RAPGEF1: variants seen among roughly 807,000 people sequenced by gnomAD.
The protein encoded by RAPGEF1 is CRK SH3-binding GNRP.
RAPGEF1 carries 33 observed loss-of-function variants against 143.3 expected under a neutral mutation model. The ratio of observed to expected loss-of-function variants is 0.23; its 90% confidence interval spans 0.17 to 0.31. RAPGEF1 has a LOEUF of 0.31. Ranked by LOEUF, RAPGEF1 falls within the 10% of genes least tolerant of loss-of-function variation. The pLI is 1.00. For synonymous variants in RAPGEF1, 629 were observed against 676.5 expected, an observed-to-expected ratio of 0.93 and a Z score of 1.09; for missense variants, 1,199 against 1,645.4, an observed-to-expected ratio of 0.73 and a Z score of 4.69.
chr9:131,648,968 A>G (rs1408809127), intron 3 of RAPGEF1, among the ~76,000 whole-genome samples: 1 of 152,220 alleles, frequency 6.6e-6, no homozygotes, highest in Non-Finnish European at 1.5e-5. Context: ...ACTTTGGATA[A>G]TCACTAAAGG....
intron 12 of RAPGEF1, among the ~76,000 whole-genome samples, chr9:131,607,363 C>A (rs1014705867): frequency 9.2e-5 from 14 of 152,214 alleles, no homozygotes; most frequent in Non-Finnish European, 2.1e-4. Context: ...CGCAACACTT[C>A]AACGTTTCAC....
chr9:131,588,791 G>A lies in RAPGEF1; in HGVS notation c.3053+10C>T, dbSNP rs753963579. The A allele has an allele frequency of 1.9e-6, 3 of 1,606,752 alleles. No individual in the cohort carries two copies. In the South Asian group the frequency reaches 3.3e-5, roughly 18 times the overall value. ...GGGAAGAGGCAGGGCTGGAGAGGTGGGCTTCTCACCTGGCTGCTACCCCCC... is the reference window on the plus strand; with the variant it reads ...GGGAAGAGGCAGGGCTGGAGAGGTGAGCTTCTCACCTGGCTGCTACCCCCC... On this transcript the variant is annotated intron_variant, in intron 20 of 26. Coordinates refer to ENST00000683357, the MANE Select transcript of RAPGEF1 (RefSeq NM_001377935.1).
At chr9:131,677,714 T>C (rs924993995) in intron 1 of RAPGEF1, among the ~76,000 whole-genome samples, 1 of 152,192 alleles carries the variant, frequency 6.6e-6, no homozygotes, top group African/African-American at 2.4e-5. Context: ...TTAAGGGTCT[T>C]ACTAAAAACA....
At chr9:131,606,708 C>T (rs992388321) in intron 12 of RAPGEF1, among the ~76,000 whole-genome samples, 1 of 152,162 alleles carries the variant, frequency 6.6e-6, no homozygotes, top group African/African-American at 2.4e-5. Flanking sequence ...ACTGCAGCCT[C>T]GACCTCCTGG....
chr9:131,605,275 G>A, intron 12 of RAPGEF1, 87 bp from the exon 13 acceptor site: 1 of 1,129,396 alleles, frequency 8.9e-7, no homozygotes, highest in Non-Finnish European at 1.2e-6. Flanking sequence ...GCTGAGCAGT[G>A]ACAGGCCGTT....
At chr9:131,624,932 C>T (rs1541051) in intron 10 of RAPGEF1, among the ~76,000 whole-genome samples, 32,693 of 152,262 alleles carry the variant, frequency 0.21, 4,182 homozygotes, top group Non-Finnish European at 0.29. Flanking sequence ...TCGCAGCCGC[C>T]GCCTTCTGTG....
intron 1 of RAPGEF1, among the ~76,000 whole-genome samples, chr9:131,736,977 G>A (rs150996105): frequency 3.9e-4 from 60 of 152,148 alleles, no homozygotes; most frequent in South Asian, 3.3e-3. Context: ...ACAAAATGTC[G>A]TCTAAATGCA....
At position 131,660,162 on chromosome 9, in the gene RAPGEF1, G is replaced by A. The variant is rs560197748; in HGVS notation, c.62-9213C>T. On this transcript the variant is annotated intron_variant, in intron 1 of 26. Coordinates refer to ENST00000683357, the MANE Select transcript of RAPGEF1 (RefSeq NM_001377935.1). ...CAACTTTAACATGGAAAGATCCTCTGTCTTACTTAATATACAACTATTCCT... is the reference window on the plus strand; with the variant it reads ...CAACTTTAACATGGAAAGATCCTCTATCTTACTTAATATACAACTATTCCT... 7.2e-5 allele frequency among the ~76,000 whole-genome samples: 11 copies of A among 152,264 alleles called. No individual in the cohort carries two copies. In the East Asian group the frequency reaches 1.9e-3, roughly 27 times the overall value.
At chr9:131,730,038 CAAA>C (rs1311267522) in intron 1 of RAPGEF1, among the ~76,000 whole-genome samples, 5 of 151,386 alleles carry the variant, frequency 3.3e-5, no homozygotes, top group African/African-American at 1.2e-4. Flanking sequence ...ACTAAAAATA[CAAA>C]AAATTAGCCA....
intron 1 of RAPGEF1, among the ~76,000 whole-genome samples, chr9:131,734,132 G>A (rs1180777103): frequency 6.6e-6 from 1 of 152,068 alleles, no homozygotes; most frequent in African/African-American, 2.4e-5. Flanking sequence ...AAAAGAGATT[G>A]AGAAGCCTGA....
chr9:131,726,372 A>G (rs1335496555), intron 1 of RAPGEF1, among the ~76,000 whole-genome samples: 1 of 152,108 alleles, frequency 6.6e-6, no homozygotes, highest in African/African-American at 2.4e-5. Context: ...CACACCTGTA[A>G]TCTCACCACT....
rs1463016559 is a variant in RAPGEF1, at chr9:131,691,301, T to TTC, written c.62-40353_62-40352insGA. Among the ~76,000 whole-genome samples, 4 of 152,340 alleles carry TTC rather than the reference T, an allele frequency of 2.6e-5. No individual in the cohort carries two copies. In the East Asian group the frequency reaches 5.8e-4, roughly 22 times the overall value. ...AAGTCTCTCTGACCTCAAATTCACT[T>TTC]TGAGGTTTCTCAGTTGGGCCCCCAG... On this transcript the variant is annotated intron_variant, in intron 1 of 26. Coordinates refer to ENST00000683357, the MANE Select transcript of RAPGEF1 (RefSeq NM_001377935.1).
intron 1 of RAPGEF1, among the ~76,000 whole-genome samples, chr9:131,698,772 C>G (rs987185993): frequency 6.6e-6 from 1 of 152,214 alleles, no homozygotes; most frequent in Non-Finnish European, 1.5e-5. Flanking sequence ...CCTGGGCTAG[C>G]CTGCTGGAGG....
intron 1 of RAPGEF1, among the ~76,000 whole-genome samples, chr9:131,734,751 T>G (rs1589130438): frequency 6.6e-6 from 1 of 152,250 alleles, no homozygotes; most frequent in East Asian, 1.9e-4. Flanking sequence ...TCTTAGTATC[T>G]GTTCTGAGAA....
chr9:131,608,898 C>CG (rs1957550536), intron 12 of RAPGEF1, among the ~76,000 whole-genome samples: 1 of 152,206 alleles, frequency 6.6e-6, no homozygotes, highest in Non-Finnish European at 1.5e-5. Flanking sequence ...AAAGGCAGGG[C>CG]GGGCCATTCC....
intron 10 of RAPGEF1, among the ~76,000 whole-genome samples, chr9:131,624,286 T>C (rs766769661): frequency 3.3e-5 from 5 of 152,146 alleles, no homozygotes; most frequent in African/African-American, 9.7e-5. Context: ...CTACCTTCCA[T>C]AGGGCATGTG....
At chr9:131,645,336 A>G (rs1969275704) in intron 3 of RAPGEF1, among the ~76,000 whole-genome samples, 1 of 152,208 alleles carries the variant, frequency 6.6e-6, no homozygotes, top group Non-Finnish European at 1.5e-5. Flanking sequence ...TTGCTGAGGA[A>G]CAGGAAACAT....
chr9:131,634,713 CAAAAAAAAA>C (rs35405559), intron 5 of RAPGEF1, among the ~76,000 whole-genome samples: 1 of 61,220 alleles, frequency 1.6e-5, no homozygotes, highest in Non-Finnish European at 2.7e-5. Flanking sequence ...GACTCCGTCT[CAAAAAAAAA>C]AAAAAAAAAA....
chr9:131,709,939 G>C, intron 1 of RAPGEF1: 1 of 985,364 alleles, frequency 1.0e-6, no homozygotes, highest in Non-Finnish European at 1.2e-6. Flanking sequence ...GTGCCTCTCA[G>C]GCATGGTCTA....
Sources: gnomAD v4.1 joint callset for allele counts (sites outside exome capture counted in the v4.1 genomes callset) on GRCh38, gnomAD v4.1.1 for gene constraint, MANE v1.5 for transcripts, NCBI Gene and HGNC (gene_info 2026-07-23, HGNC 2026-07-21) for gene names.